RHOBTB3: variants seen among roughly 807,000 people sequenced by gnomAD.
RHOBTB3 encodes the protein rho-related BTB domain-containing protein 3.
RHOBTB3 carries 47 observed loss-of-function variants against 67.2 expected under a neutral mutation model. That is an observed-to-expected ratio of 0.70 (90% CI 0.55 to 0.89). The LOEUF is 0.89. RHOBTB3 is among the 40% of genes least tolerant of loss of function. The probability of loss-of-function intolerance (pLI) is 0.00; values close to 1 mark genes in which losing one functional copy is unlikely to be tolerated. For missense variants in RHOBTB3, 631 were observed against 750.0 expected (o/e 0.84, Z 1.85); for synonymous variants, 273 against 274.2 (o/e 1.00, Z 0.04).
chr5:95,748,038 G>C (rs912597153), intron 3 of RHOBTB3, among the ~76,000 whole-genome samples: 15 of 152,202 alleles, frequency 9.9e-5, no homozygotes, highest in African/African-American at 3.6e-4. Flanking sequence ...AGGATGTCAA[G>C]GTTGTGTAAA....
At chr5:95,785,609 T>C (rs1746202926) in intron 10 of RHOBTB3, among the ~76,000 whole-genome samples, 1 of 151,136 alleles carries the variant, frequency 6.6e-6, no homozygotes, top group African/African-American at 2.4e-5. Flanking sequence ...AAAAAAAAAA[T>C]TGAGTAACAC....
In RHOBTB3 at chr5:95,755,733, A is replaced by G. The variant is rs762925983; in HGVS notation, c.1020A>G (p.Leu340=). 7 of 1,613,914 alleles carry G rather than the reference A, an allele frequency of 4.3e-6. No individual in the cohort carries two copies. The highest frequency in any genetic ancestry group is 2.2e-5 in the South Asian group (2 of 91,074). ...AAGACGCCCTCTTCTGTTCTTGTTT[A>G]TCAGACATCCTTCGCTTCATTTATT... ...IVKDALFCSC[L]SDILRFIYSG... The change falls in exon 6 of 12, where the codon TTA becomes TTG. Residue 340 remains leucine (L), a synonymous_variant. Coordinates refer to ENST00000379982, the MANE Select transcript of RHOBTB3 (RefSeq NM_014899.4).
chr5:95,794,026 C>T lies in RHOBTB3; in HGVS notation c.*852C>T, dbSNP rs532866517. On this transcript the variant is annotated 3_prime_UTR_variant, in exon 12 of 12. Coordinates refer to ENST00000379982, the MANE Select transcript of RHOBTB3 (RefSeq NM_014899.4). ...CTTTCTCTCTGAAAGCAGAAAAAGG[C>T]ACTGATATAAAGGGAAGAGAAGGAG... 1.5e-4 allele frequency: 67 copies of T among 456,202 alleles called. No homozygotes were observed. Among genetic ancestry groups the T allele is most frequent in the Middle Eastern group, 9.8e-4 (3 of 3,076 alleles). 28.3% of individuals were successfully genotyped at this position (456,202 alleles called of 1,614,324 possible).
At chr5:95,763,479 A>C (rs763279619) in intron 6 of RHOBTB3, 29 bp from the exon 7 acceptor site, 1 of 1,313,414 alleles carries the variant, frequency 7.6e-7, no homozygotes, top group Non-Finnish European at 1.1e-6. Flanking sequence ...TTTAACAGAA[A>C]AATCCAGCAT....
At chr5:95,719,561 G>A (rs1280107243) in intron 1 of RHOBTB3, 1 of 152,216 alleles carries the variant, frequency 6.6e-6, no homozygotes, top group Non-Finnish European at 1.5e-5. Context: ...TAGCTCTGGA[G>A]ATTCCAAGTT....
At position 95,768,088 on chromosome 5, in the gene RHOBTB3, C is replaced by T. The variant is rs899529990; in HGVS notation, c.1204C>T (p.Pro402Ser). 3.1e-6 allele frequency: 5 copies of T among 1,612,932 alleles called. No individual in the cohort carries two copies. The highest frequency in any genetic ancestry group is 1.3e-5 in the African/African-American group (1 of 74,870). ...TTGCAAAACCTATCAAGCCAGAAAACCTTTGTGGTTTTATAACACTTCCCT... is the reference window on the plus strand; with the variant it reads ...TTGCAAAACCTATCAAGCCAGAAAATCTTTGTGGTTTTATAACACTTCCCT... ...RNCKTYQARKPLWFYNTSLKF... is the reference protein window; with the variant it reads ...RNCKTYQARKSLWFYNTSLKF... Residue 402 changes from proline to serine, a missense_variant, in exon 8 of 12, where the codon CCT becomes TCT. Physicochemically the swap from Pro to Ser is moderately conservative, Grantham distance 74. Coordinates refer to ENST00000379982, the MANE Select transcript of RHOBTB3 (RefSeq NM_014899.4).
intron 6 of RHOBTB3, among the ~76,000 whole-genome samples, chr5:95,758,085 A>G (rs549095549): frequency 6.6e-6 from 1 of 152,332 alleles, no homozygotes; most frequent in Non-Finnish European, 1.5e-5. Context: ...ATTATTGACT[A>G]CTTTCAAAGG....
chr5:95,793,409 G>A lies in RHOBTB3; in HGVS notation c.*235G>A. Reference sequence around the variant, plus strand: ...TCACTCTAGAATGCAAAGCTGTTTTGCAGCTGTTTTCCCTTAAAGATGTCC... The same window carrying A: ...TCACTCTAGAATGCAAAGCTGTTTTACAGCTGTTTTCCCTTAAAGATGTCC... On this transcript the variant is annotated 3_prime_UTR_variant, in exon 12 of 12. Transcript: ENST00000379982. The A allele has an allele frequency of 3.0e-6, 1 of 335,098 alleles. No homozygotes were observed. Among genetic ancestry groups the A allele is most frequent in the South Asian group, 9.3e-5 (1 of 10,760 alleles). The allele number at this position is 335,098 out of a possible 1,614,324, so 20.8% of individuals were successfully genotyped here.
At chr5:95,740,218 A>G (rs1402846600) in intron 3 of RHOBTB3, among the ~76,000 whole-genome samples, 1 of 152,234 alleles carries the variant, frequency 6.6e-6, no homozygotes, top group African/African-American at 2.4e-5. Flanking sequence ...CTATGAGTCC[A>G]TTAAACTTCC....
intron 2 of RHOBTB3, chr5:95,732,715 CTT>C (rs1398296646): frequency 6.6e-6 from 1 of 152,070 alleles, no homozygotes; most frequent in African/African-American, 2.4e-5. Flanking sequence ...GTTTGGAAAA[CTT>C]TTAAAAAATT....
intron 3 of RHOBTB3, among the ~76,000 whole-genome samples, chr5:95,737,745 A>G (rs751153055): frequency 2.0e-5 from 3 of 152,220 alleles, no homozygotes; most frequent in Non-Finnish European, 4.4e-5. Flanking sequence ...TGCGAAGTAA[A>G]GGACATAAGG....
chr5:95,741,788 G>T (rs535927002), intron 3 of RHOBTB3, among the ~76,000 whole-genome samples: 1 of 151,998 alleles, frequency 6.6e-6, no homozygotes, highest in African/African-American at 2.4e-5. Flanking sequence ...TATGATAAAT[G>T]TGCTTGCAAA....
At chr5:95,753,237 G>A (rs1331371587) in intron 5 of RHOBTB3, among the ~76,000 whole-genome samples, 1 of 51,922 alleles carries the variant, frequency 1.9e-5, no homozygotes, top group Non-Finnish European at 4.2e-5. Flanking sequence ...GTGTGGATGT[G>A]TGTGTGTGTG....
chr5:95,788,562 G>A (rs938163542), intron 10 of RHOBTB3, among the ~76,000 whole-genome samples, 200 bp from the exon 11 acceptor site: 1 of 152,126 alleles, frequency 6.6e-6, no homozygotes, highest in African/African-American at 2.4e-5. Context: ...GGCTTCTTCC[G>A]AGAATGTACT....
intron 2 of RHOBTB3, 142 bp from the exon 3 acceptor site, chr5:95,736,747 G>A: frequency 1.8e-6 from 1 of 565,488 alleles, no homozygotes; most frequent in South Asian, 2.8e-5. Flanking sequence ...AAGAGAGTTG[G>A]CAGACTGCAA....
intron 4 of RHOBTB3, among the ~76,000 whole-genome samples, chr5:95,749,029 G>C (rs1012322121): frequency 3.3e-5 from 5 of 152,152 alleles, no homozygotes; most frequent in African/African-American, 1.2e-4. Context: ...TTGCCGTGGC[G>C]CATATTGGGT....
intron 11 of RHOBTB3, among the ~76,000 whole-genome samples, chr5:95,792,530 T>C (rs1038945524): frequency 4.6e-5 from 7 of 151,826 alleles, no homozygotes; most frequent in Admixed American, 4.6e-4. Context: ...TGGTGGCTCA[T>C]GCCTGTAATC....
intron 7 of RHOBTB3, chr5:95,767,763 T>C (rs977288663): frequency 1.6e-5 from 11 of 696,982 alleles, no homozygotes; most frequent in African/African-American, 8.7e-5. Context: ...CAAAGACTCA[T>C]AGGGTTTCAG....
intron 7 of RHOBTB3, among the ~76,000 whole-genome samples, chr5:95,764,333 G>A: frequency 6.6e-6 from 1 of 152,168 alleles, no homozygotes; most frequent in East Asian, 1.9e-4. Flanking sequence ...GTTTTTGAGA[G>A]GAAGGCAGTT....
Sources: gnomAD v4.1 joint callset for allele counts (sites outside exome capture counted in the v4.1 genomes callset) on GRCh38, gnomAD v4.1.1 for gene constraint, MANE v1.5 for transcripts, NCBI Gene and HGNC (gene_info 2026-07-23, HGNC 2026-07-21) for gene names.